MYO10: variants seen among roughly 807,000 people sequenced by gnomAD.
The protein encoded by MYO10 is unconventional myosin-X.
MYO10 carries 133 observed loss-of-function variants against 257.3 expected under a neutral mutation model. That is an observed-to-expected ratio of 0.52 (90% CI 0.45 to 0.60). MYO10 has a LOEUF of 0.60. Ranked by LOEUF, MYO10 falls within the 20% of genes least tolerant of loss-of-function variation. The pLI, the probability that MYO10 is intolerant of heterozygous loss-of-function variation, is 0.00. For missense variants in MYO10, 2,399 were observed against 2,635.7 expected (o/e 0.91, Z 1.97); for synonymous variants, 1,104 against 1,028.6 (o/e 1.07, Z -1.40).
chr5:16,775,620 C>G (rs1255946551), intron 9 of MYO10, among the ~76,000 whole-genome samples: 1 of 145,046 alleles, frequency 6.9e-6, no homozygotes, highest in Non-Finnish European at 1.5e-5. Flanking sequence ...TTTGTTTTCT[C>G]GAGACAGAGT....
intron 24 of MYO10, among the ~76,000 whole-genome samples, chr5:16,702,319 C>T (rs988930714): frequency 5.5e-4 from 84 of 152,284 alleles, no homozygotes; most frequent in African/African-American, 1.9e-3. Flanking sequence ...CTGGTTATAC[C>T]GATTTAGAGA....
At chr5:16,814,034 G>A (rs933237979) in intron 3 of MYO10, among the ~76,000 whole-genome samples, 1 of 152,116 alleles carries the variant, frequency 6.6e-6, no homozygotes, top group Non-Finnish European at 1.5e-5. Flanking sequence ...ACAATGAGCA[G>A]GAAACGGATC....
Position 16,711,110 on chromosome 5 carries a change from C to T in MYO10, c.2054+11G>A. 1 of 1,613,794 alleles carries T rather than the reference C, an allele frequency of 6.2e-7. No individual in the cohort carries two copies. Among genetic ancestry groups the T allele is most frequent in the East Asian group, 2.2e-5 (1 of 44,866 alleles). ...TGAAAAGAAAGAGAATCCAATTCAGCTCCCTCTTGCCTTTTGTAAAAGTCC... is the reference window on the plus strand; with the variant it reads ...TGAAAAGAAAGAGAATCCAATTCAGTTCCCTCTTGCCTTTTGTAAAAGTCC... On this transcript the variant is annotated intron_variant, in intron 20 of 40. Coordinates refer to ENST00000513610, the MANE Select transcript of MYO10 (RefSeq NM_012334.3).
intron 2 of MYO10, among the ~76,000 whole-genome samples, chr5:16,843,179 ACTTCCACACGTCATAGAAG>A (rs1743535848): frequency 6.6e-6 from 1 of 152,088 alleles, no homozygotes; most frequent in Non-Finnish European, 1.5e-5. Flanking sequence ...TCCAGCACTG[ACTTCCACACGTCATAGAAG>A]CTTCCACGTG....
At chr5:16,702,062 C>A (rs1738106567) in intron 24 of MYO10, among the ~76,000 whole-genome samples, 1 of 152,126 alleles carries the variant, frequency 6.6e-6, no homozygotes, top group African/African-American at 2.4e-5. Flanking sequence ...AGGGTGGGCC[C>A]CAATCCAAGA....
chr5:16,837,599 C>T (rs1409481874), intron 2 of MYO10, among the ~76,000 whole-genome samples: 1 of 152,134 alleles, frequency 6.6e-6, no homozygotes, highest in Admixed American at 6.6e-5. Flanking sequence ...CTGAATGGTA[C>T]ACTTTGAGTA....
At chr5:16,741,731 A>C in intron 19 of MYO10, 1 of 907,384 alleles carries the variant, frequency 1.1e-6, no homozygotes, top group Non-Finnish European at 1.3e-6. Context: ...TGATCTCTGC[A>C]GTTTTACAAT....
intron 21 of MYO10, among the ~76,000 whole-genome samples, chr5:16,709,485 C>T (rs1020999016): frequency 6.6e-6 from 1 of 152,182 alleles, no homozygotes; most frequent in African/African-American, 2.4e-5. Context: ...AAGAAGTGAG[C>T]TGCCATGTGT....
chr5:16,724,964 G>A (rs250343), intron 19 of MYO10, among the ~76,000 whole-genome samples: 121,760 of 152,062 alleles, frequency 0.8, 48,934 homozygotes, highest in East Asian at 0.83. Context: ...ATAAATACAC[G>A]CACTGCTTTT....
At chr5:16,905,051 A>G (rs1745483618) in intron 1 of MYO10, among the ~76,000 whole-genome samples, 1 of 152,238 alleles carries the variant, frequency 6.6e-6, no homozygotes, top group Non-Finnish European at 1.5e-5. Flanking sequence ...AGCACAAACT[A>G]TATCAGAACA....
intron 37 of MYO10, among the ~76,000 whole-genome samples, chr5:16,672,294 C>CAAAGAAA (rs1736502550): frequency 8.2e-6 from 1 of 122,280 alleles, no homozygotes; most frequent in Non-Finnish European, 1.7e-5. Context: ...GACTCCATCT[C>CAAAGAAA]AAAAAAAAAA....
At chr5:16,833,112 C>T (rs540950238) in intron 2 of MYO10, among the ~76,000 whole-genome samples, 2 of 152,286 alleles carry the variant, frequency 1.3e-5, no homozygotes, top group South Asian at 4.1e-4. Flanking sequence ...CCTCTAGCAT[C>T]CTGTGGCATA....
intron 32 of MYO10, among the ~76,000 whole-genome samples, chr5:16,680,911 T>C (rs972693565): frequency 6.6e-6 from 1 of 152,084 alleles, no homozygotes; most frequent in Non-Finnish European, 1.5e-5. Flanking sequence ...GGTGGGAGGA[T>C]TGCTTGAGCC....
In MYO10 at chr5:16,666,542, G is replaced by C. The variant is rs569297707; in HGVS notation, c.*150C>G. On this transcript the variant is annotated 3_prime_UTR_variant, in exon 41 of 41. Transcript: ENST00000513610. ...GATCAATGAAGGCGGCAGGCAAAAG[G>C]ATCCTCGGAGACACCTCCCTCAGAC... 2.3e-5 allele frequency: 14 copies of C among 615,852 alleles called. No individual in the cohort carries two copies. In the South Asian group the frequency reaches 2.6e-4, roughly 12 times the overall value. 38.1% of individuals were successfully genotyped at this position (615,852 alleles called of 1,614,324 possible). A position where few individuals can be genotyped will look rare whatever the true frequency, so the allele number is the denominator to read the frequency against.
Position 16,761,894 on chromosome 5 carries a change from C to G in MYO10, c.1656+151G>C. 4 of 750,274 alleles carry G rather than the reference C, an allele frequency of 5.3e-6. No homozygotes were observed. The South Asian group carries it at 1.0e-4, about 19-fold the overall frequency. 46.5% of individuals were successfully genotyped at this position (750,274 alleles called of 1,614,324 possible). A position where few individuals can be genotyped will look rare whatever the true frequency, so the allele number is the denominator to read the frequency against. On this transcript the variant is annotated intron_variant, in intron 16 of 40. Transcript: ENST00000513610. ...TCTCAAACTCCTGTCCTCAAGTGAT[C>G]CTCCTGCCTCAGCCTCCCAAAGTAC...
At chr5:16,887,687 C>T (rs941078362) in intron 1 of MYO10, among the ~76,000 whole-genome samples, 1 of 152,102 alleles carries the variant, frequency 6.6e-6, no homozygotes, top group Non-Finnish European at 1.5e-5. Context: ...GACTGGGTTT[C>T]ACCATGTTGG....
At chr5:16,773,661 C>CA (rs35170602) in intron 9 of MYO10, among the ~76,000 whole-genome samples, 65,175 of 112,710 alleles carry the variant, frequency 0.58, 16,998 homozygotes, top group Non-Finnish European at 0.64. Flanking sequence ...GACCTTGTCT[C>CA]AAAAAAAAAA....
At chr5:16,927,655 C>T (rs916364675) in intron 1 of MYO10, among the ~76,000 whole-genome samples, 1 of 152,128 alleles carries the variant, frequency 6.6e-6, no homozygotes, top group Non-Finnish European at 1.5e-5. Context: ...TGCTTTTATA[C>T]GGAGGCAATT....
intron 19 of MYO10, among the ~76,000 whole-genome samples, chr5:16,720,850 C>T (rs31322): frequency 0.022 from 3,378 of 152,280 alleles, 130 homozygotes; most frequent in African/African-American, 0.077. Context: ...AGGGACTCAT[C>T]GCACAGTTCA....
Sources: gnomAD v4.1 joint callset for allele counts (sites outside exome capture counted in the v4.1 genomes callset) on GRCh38, gnomAD v4.1.1 for gene constraint, MANE v1.5 for transcripts, NCBI Gene and HGNC (gene_info 2026-07-23, HGNC 2026-07-21) for gene names.